Variants in MORC1 observed in about 807,000 individuals in gnomAD.
The protein encoded by MORC1 is MORC family CW-type zinc finger protein 1.
Under a neutral mutation model 134.9 loss-of-function variants are expected in MORC1, and 59 were observed. The ratio of observed to expected loss-of-function variants is 0.44; its 90% CI spans 0.35 to 0.54. MORC1 has a LOEUF of 0.54. MORC1 is among the 20% of genes least tolerant of loss of function. MORC1 has a pLI of 0.00. For synonymous variants in MORC1, 395 were observed against 391.7 expected, an observed-to-expected ratio of 1.01 and a Z score of -0.10; for missense variants, 947 against 1,134.5, an observed-to-expected ratio of 0.83 and a Z score of 2.37.
At chr3:109,005,826 T>C (rs181602903) in intron 18 of MORC1, among the ~76,000 whole-genome samples, 2 of 152,312 alleles carry the variant, frequency 1.3e-5, no homozygotes, top group Admixed American at 1.3e-4. Flanking sequence ...GACCACCAAG[T>C]GACACTCTAG....
chr3:109,081,787 C>T (rs769186796), intron 8 of MORC1, among the ~76,000 whole-genome samples: 3 of 152,108 alleles, frequency 2.0e-5, no homozygotes, highest in Non-Finnish European at 2.9e-5. Flanking sequence ...ATGATCTTTC[C>T]CCCAATCTGC....
At chr3:109,024,245 G>A (rs984037550) in intron 17 of MORC1, among the ~76,000 whole-genome samples, 27 of 152,106 alleles carry the variant, frequency 1.8e-4, no homozygotes, top group Non-Finnish European at 2.8e-4. Flanking sequence ...CTGGAATTGG[G>A]CAAAAAGGAA....
At chr3:109,040,847 A>AAAAG (rs1364440825) in intron 14 of MORC1, among the ~76,000 whole-genome samples, 5 of 149,118 alleles carry the variant, frequency 3.4e-5, no homozygotes, top group African/African-American at 7.3e-5. Flanking sequence ...AAAAAAAAAA[A>AAAAG]AAAGAAAGAA....
chr3:109,104,049 A>G, intron 3 of MORC1, 132 bp from the exon 4 acceptor site: 1 of 779,822 alleles, frequency 1.3e-6, no homozygotes, highest in South Asian at 1.7e-5. Context: ...ACAAAGATGG[A>G]GCCTAGAGTG....
At chr3:109,113,658 T>C (rs1188042296) in intron 2 of MORC1, among the ~76,000 whole-genome samples, 1 of 151,976 alleles carries the variant, frequency 6.6e-6, no homozygotes, top group Non-Finnish European at 1.5e-5. Context: ...AAATGCTTTA[T>C]TCAATTTAAC....
At chr3:108,971,475 G>T (rs1947378075) in intron 24 of MORC1, 73 bp from the exon 25 acceptor site, 2 of 1,328,628 alleles carry the variant, frequency 1.5e-6, no homozygotes, top group South Asian at 1.3e-5. Context: ...TCAGAACTGG[G>T]TTTGTCTCCT....
chr3:109,089,430 T>C (rs1252326199), intron 8 of MORC1, among the ~76,000 whole-genome samples: 2 of 152,120 alleles, frequency 1.3e-5, no homozygotes, highest in African/African-American at 2.4e-5. Context: ...GAGGTCATGA[T>C]GGGCAGTGAT....
At chr3:109,053,366 A>G (rs1419171402) in intron 14 of MORC1, among the ~76,000 whole-genome samples, 1 of 152,220 alleles carries the variant, frequency 6.6e-6, no homozygotes. Flanking sequence ...AAAGACACGG[A>G]ATCAACCCAG....
At position 109,114,477 on chromosome 3, in the gene MORC1, G is replaced by A. The variant is rs773146678; in HGVS notation, c.66-40C>T. The A allele has an allele frequency of 3.2e-6, 5 of 1,547,954 alleles. No homozygotes were observed. The African/African-American group carries it at 6.8e-5, about 21-fold the overall frequency. On this transcript the variant is annotated intron_variant, in intron 1 of 27. Coordinates refer to ENST00000232603, the MANE Select transcript of MORC1 (RefSeq NM_014429.4). ...AAGAGAAAACAAAAAGTTAAACCAG[G>A]TGTGTAATCAATGTAAAAGCTTTAA...
rs538290694 is a variant in MORC1 at position 109,091,210 on chromosome 3, G to T, written c.689+2226C>A. ...TGTAATCCCAGCACTTTGGCAGGCT[G>T]GGGGAGTAGATCACCTGAAGTCAGG... is the stretch of plus-strand genomic sequence containing the variant. On this transcript the variant is annotated intron_variant, in intron 8 of 27. Coordinates refer to ENST00000232603, the MANE Select transcript of MORC1 (RefSeq NM_014429.4). Among the ~76,000 whole-genome samples the T allele has an allele frequency of 1.3e-3, 198 of 152,006 alleles. 1 individual carries two copies. The highest frequency in any genetic ancestry group is 2.0e-3 in the Non-Finnish European group (136 of 67,980).
chr3:109,043,196 G>GTA (rs1373362766), intron 14 of MORC1, among the ~76,000 whole-genome samples: 6 of 121,934 alleles, frequency 4.9e-5, no homozygotes, highest in African/African-American at 2.0e-4. Flanking sequence ...TGTGGGGGGG[G>GTA]GGGGGTGTGT....
In MORC1 at chr3:109,025,749, G is replaced by A. The variant is rs567997412; in HGVS notation, c.1704+2002C>T. On this transcript the variant is annotated intron_variant, in intron 17 of 27. Coordinates refer to ENST00000232603, the MANE Select transcript of MORC1 (RefSeq NM_014429.4). ...TCCTGCAGTAAACTTCTATTGCAGT[G>A]TCAGTTACAATAAGAAAACACATGT... Among the ~76,000 whole-genome samples the A allele has an allele frequency of 8.5e-5, 13 of 152,200 alleles. No individual in the cohort carries two copies. The South Asian group carries it at 2.7e-3, about 32-fold the overall frequency.
intron 23 of MORC1, 37 bp from the exon 24 acceptor site, chr3:108,979,704 GTA>G (rs2107442591): frequency 6.3e-7 from 1 of 1,599,010 alleles, no homozygotes; most frequent in East Asian, 2.2e-5. Flanking sequence ...ATCATGTTAG[GTA>G]TTAATAATTT....
At chr3:108,986,479 C>T (rs1406879247) in intron 22 of MORC1, among the ~76,000 whole-genome samples, 2 of 151,904 alleles carry the variant, frequency 1.3e-5, no homozygotes, top group Non-Finnish European at 2.9e-5. Context: ...AGAAGAATCA[C>T]GAAAAGCAGA....
intron 26 of MORC1, 107 bp from the exon 27 acceptor site, chr3:108,963,715 C>T: frequency 1.3e-6 from 1 of 747,254 alleles, no homozygotes; most frequent in Non-Finnish European, 2.1e-6. Context: ...TACCAAGTGT[C>T]AACTTCGTAG....
intron 8 of MORC1, among the ~76,000 whole-genome samples, chr3:109,071,591 G>C (rs1161946369): frequency 6.6e-6 from 1 of 152,156 alleles, no homozygotes; most frequent in Admixed American, 6.5e-5. Context: ...GGTGGAGTCT[G>C]GAGGAATCTG....
intron 1 of MORC1, among the ~76,000 whole-genome samples, chr3:109,115,769 G>A (rs1951258596): frequency 6.6e-6 from 1 of 152,206 alleles, no homozygotes; most frequent in Non-Finnish European, 1.5e-5. Flanking sequence ...GGTCTTGGAT[G>A]TCCTGGAGCT....
chr3:109,016,881 A>G (rs560473577), intron 17 of MORC1, among the ~76,000 whole-genome samples: 1 of 152,220 alleles, frequency 6.6e-6, no homozygotes, highest in South Asian at 2.1e-4. Flanking sequence ...AGAAAAAAGA[A>G]AAGAAAGAAA....
chr3:108,978,973 G>T (rs967828911), intron 24 of MORC1, among the ~76,000 whole-genome samples: 7 of 151,966 alleles, frequency 4.6e-5, no homozygotes, highest in Admixed American at 1.3e-4. Context: ...TGATTTTAAG[G>T]CCCCCATCTA....
Sources: allele counts gnomAD v4.1 joint callset (sites outside exome capture counted in the v4.1 genomes callset), GRCh38; gene constraint gnomAD v4.1.1; transcripts MANE v1.5; gene names NCBI Gene and HGNC (gene_info 2026-07-23, HGNC 2026-07-21).